The following APOBEC3H variants were observed in gnomAD, a reference collection of about 807,000 sequenced individuals.
APOBEC3H encodes the protein DNA dC->dU-editing enzyme APOBEC-3H.
A neutral mutation model predicts 21.2 loss-of-function variants in APOBEC3H; 8 were observed. The ratio of observed to expected loss-of-function variants is 0.38; its 90% CI spans 0.22 to 0.68. The LOEUF (loss-of-function observed/expected upper bound fraction) is 0.68, where lower values mean the gene tolerates loss of function less well. Ranked by LOEUF, APOBEC3H falls within the 30% of genes least tolerant of loss-of-function variation. APOBEC3H has a pLI of 0.52. For synonymous variants in APOBEC3H, 88 were observed against 91.0 expected, an observed-to-expected ratio of 0.97 and a Z score of 0.19; for missense variants, 229 against 228.1, an observed-to-expected ratio of 1.00 and a Z score of -0.03.
In APOBEC3H at chr22:39,102,140, TTTTTCTTTTC is replaced by T. The variant is rs950742841; in HGVS notation, c.543+113_543+122del. The stretch of plus-strand genomic sequence containing the variant: ...TGCCCACTGCCCTTACCCCTACCTT[TTTTTCTTTTC>T]TTTTCTTTTCTTTTTTGAGACAGGG... On this transcript the variant is annotated intron_variant, in intron 4 of 4. Coordinates refer to ENST00000442487, the MANE Select transcript of APOBEC3H (RefSeq NM_181773.5). 25 of 1,476,234 alleles carry T rather than the reference TTTTTCTTTTC, an allele frequency of 1.7e-5. No homozygotes were observed. The African/African-American group carries it at 2.1e-4, about 13-fold the overall frequency. 91.4% of individuals were successfully genotyped at this position (1,476,234 alleles called of 1,614,324 possible). A position where few individuals can be genotyped will look rare whatever the true frequency, so the allele number is the denominator to read the frequency against.
chr22:39,098,915 G>C (rs139282), intron 1 of APOBEC3H, among the ~76,000 whole-genome samples: 6 of 151,954 alleles, frequency 3.9e-5, no homozygotes, highest in Non-Finnish European at 1.5e-5. Flanking sequence ...CAATCCTGGC[G>C]GGGCGCGGTG....
intron 2 of APOBEC3H, chr22:39,100,630 T>G: frequency 1.6e-6 from 1 of 631,912 alleles, no homozygotes. Context: ...TCCCATTCTT[T>G]CCCGTCCCCG....
intron 1 of APOBEC3H, among the ~76,000 whole-genome samples, chr22:39,099,089 G>A (rs1160335635): frequency 6.6e-6 from 1 of 152,072 alleles, no homozygotes; most frequent in Non-Finnish European, 1.5e-5. Context: ...CAGCTACTTG[G>A]GAGGCTGAGG....
At chr22:39,100,181 A>G (rs1929218850) in intron 1 of APOBEC3H, 91 bp from the exon 2 acceptor site, 1 of 1,434,968 alleles carries the variant, frequency 7.0e-7, no homozygotes, top group African/African-American at 1.4e-5. Context: ...TCAAAAAACA[A>G]AAAAGAGTTG....
At chr22:39,101,122 G>C in intron 2 of APOBEC3H, 115 bp from the exon 3 acceptor site, 1 of 944,134 alleles carries the variant, frequency 1.1e-6, no homozygotes, top group South Asian at 1.6e-5. Flanking sequence ...AAAGTTCACC[G>C]GACAGACCCC....
At chr22:39,101,136 G>GT in intron 2 of APOBEC3H, 101 bp from the exon 3 acceptor site, 4 of 378,508 alleles carry the variant, frequency 1.1e-5, no homozygotes, top group South Asian at 2.3e-5. Context: ...AGACCCCTCT[G>GT]CCCCCCCATC....
At position 39,101,356 on chromosome 22, in the gene APOBEC3H, G is replaced by C; in HGVS notation, c.270G>C (p.Trp90Cys). Residue 90 changes from tryptophan to cysteine, a missense_variant, in exon 3 of 5, where the codon TGG becomes TGC. Transcript: ENST00000442487. ...LTWSPCSSCA[W>C]ELVDFIKAHD... ...GGAGCCCCTGCTCCTCCTGTGCCTG[G>C]GAGCTGGTTGACTTCATCAAGGCTC... The C allele has an allele frequency of 6.2e-7, 1 of 1,612,862 alleles. No individual in the cohort carries two copies. Among genetic ancestry groups the C allele is most frequent in the Non-Finnish European group, 8.5e-7 (1 of 1,179,770 alleles).
At chr22:39,098,139 G>C (rs1929106516) in intron 1 of APOBEC3H, among the ~76,000 whole-genome samples, 1 of 152,234 alleles carries the variant, frequency 6.6e-6, no homozygotes, top group South Asian at 2.1e-4. Context: ...TGTAAGATGA[G>C]AATGGCCCCT....
In APOBEC3H at chr22:39,101,332, G is replaced by C; in HGVS notation, c.246G>C (p.Trp82Cys). ...QCYQVTCYLT[W>C]SPCSSCAWEL... ...ACCAAGTCACCTGTTACCTCACGTG[G>C]AGCCCCTGCTCCTCCTGTGCCTGGG... The change falls in exon 3 of 5, where the codon TGG (tryptophan) becomes TGC (cysteine). Residue 82 changes from tryptophan to cysteine, a missense_variant. Physicochemically the swap from Trp to Cys is radical, Grantham distance 215 (BLOSUM62 -2). Transcript: ENST00000442487. The C allele has an allele frequency of 6.2e-7, 1 of 1,613,288 alleles. No individual in the cohort carries two copies. Among genetic ancestry groups the C allele is most frequent in the Non-Finnish European group, 8.5e-7 (1 of 1,179,902 alleles).
chr22:39,098,890 T>A (rs1601533777), intron 1 of APOBEC3H, among the ~76,000 whole-genome samples: 1 of 151,970 alleles, frequency 6.6e-6, no homozygotes, highest in Non-Finnish European at 1.5e-5. Flanking sequence ...AGACAGGAGG[T>A]GAGCGCATGG....
At chr22:39,100,682 G>A (rs759483515) in intron 2 of APOBEC3H, 13 of 498,884 alleles carry the variant, frequency 2.6e-5, no homozygotes, top group Non-Finnish European at 3.9e-5. Context: ...TGCTCCTTCT[G>A]CCCCTCTCAT....
chr22:39,101,768 G>T, intron 3 of APOBEC3H, 150 bp from the exon 4 acceptor site: 5 of 1,264,080 alleles, frequency 4.0e-6, no homozygotes, highest in South Asian at 1.3e-5. Context: ...CTCAGTCAAG[G>T]CCCAAGATCT....
At chr22:39,100,633 C>G (rs566140551) in intron 2 of APOBEC3H, 2 of 615,522 alleles carry the variant, frequency 3.2e-6, no homozygotes, top group East Asian at 2.8e-5. Context: ...CATTCTTTCC[C>G]GTCCCCGGAC....
At chr22:39,102,891 G>T (rs1051732761) in intron 4 of APOBEC3H, among the ~76,000 whole-genome samples, 2 of 150,700 alleles carry the variant, frequency 1.3e-5, no homozygotes, top group Non-Finnish European at 3.0e-5. Context: ...GAACCCAGGA[G>T]GTGGGAGGTT....
At chr22:39,100,745 C>A (rs1471124405) in intron 2 of APOBEC3H, among the ~76,000 whole-genome samples, 1 of 152,166 alleles carries the variant, frequency 6.6e-6, no homozygotes, top group Non-Finnish European at 1.5e-5. Context: ...AGCCGAGGTG[C>A]CGTGCCACGG....
In APOBEC3H at chr22:39,100,308, C is replaced by A. The variant is rs937862707; in HGVS notation, c.30C>A (p.Arg10=). The part of the protein sequence containing the change: MALLTAETF[R]LQFNNKRRLR... ...CTCTGTTAACAGCCGAAACATTCCGCTTACAGTTTAACAACAAGCGCCGCC... is the reference window on the plus strand; with the variant it reads ...CTCTGTTAACAGCCGAAACATTCCGATTACAGTTTAACAACAAGCGCCGCC... The change falls in exon 2 of 5, where the codon CGC becomes CGA. Residue 10 remains arginine (R), a synonymous_variant. Transcript: ENST00000442487. The A allele has an allele frequency of 6.2e-7, 1 of 1,602,954 alleles. No individual in the cohort carries two copies. Among genetic ancestry groups the A allele is most frequent in the African/African-American group, 1.4e-5 (1 of 71,844 alleles).
At chr22:39,102,739 C>T (rs1030900905) in intron 4 of APOBEC3H, 10 of 577,002 alleles carry the variant, frequency 1.7e-5, no homozygotes, top group Admixed American at 1.4e-4. Flanking sequence ...CAGTGGCTCA[C>T]GCCTGTAGTC....
Position 39,101,477 on chromosome 22 carries a change from G to T in APOBEC3H, c.391G>T (p.Val131Phe), listed in dbSNP as rs1443147493. 1 of 1,609,442 alleles carries T rather than the reference G, an allele frequency of 6.2e-7. No individual in the cohort carries two copies. The highest frequency in any genetic ancestry group is 1.7e-5 in the Admixed American group (1 of 59,500). Residue 131 changes from valine (V) to phenylalanine (F), a missense_variant, in exon 3 of 5, where the codon GTC becomes TTC. Transcript: ENST00000442487. ...KGLRLLCGSQ[V>F]PVEVMGFPEF... is the part of the protein sequence containing the mutation. ...GCTGCGGCTTCTGTGTGGATCCCAG[G>T]TCCCGGTGGAGGTCATGGGCTTCCC...
chr22:39,100,865 G>A (rs965798687), intron 2 of APOBEC3H, among the ~76,000 whole-genome samples: 4 of 150,044 alleles, frequency 2.7e-5, no homozygotes, highest in Non-Finnish European at 4.4e-5. Flanking sequence ...CTGCTCTTTA[G>A]GATCATCCCG....
Sources: gnomAD v4.1 joint callset for allele counts (sites outside exome capture counted in the v4.1 genomes callset) on GRCh38, gnomAD v4.1.1 for gene constraint, MANE v1.5 for transcripts, NCBI Gene and HGNC (gene_info 2026-07-23, HGNC 2026-07-21) for gene names.